The following CACNA1C variants were observed in gnomAD, a reference collection of about 807,000 sequenced individuals.
CACNA1C encodes voltage-dependent L-type calcium channel subunit alpha-1C.
CACNA1C carries 30 observed loss-of-function variants against 229.0 expected under a neutral mutation model. The ratio of observed to expected loss-of-function variants is 0.13; its 90% CI spans 0.10 to 0.18. CACNA1C has a LOEUF of 0.18. Among genes scored for constraint, CACNA1C ranks in the 10% least tolerant of loss-of-function variants. The probability of loss-of-function intolerance (pLI) is 1.00; values close to 1 mark genes in which losing one functional copy is unlikely to be tolerated. For missense variants in CACNA1C, 1,658 were observed against 2,845.0 expected (o/e 0.58, Z 9.49); for synonymous variants, 1,114 against 1,132.5 (o/e 0.98, Z 0.33).
rs1052050666 is a variant in CACNA1C, at chr12:2,633,104, C to T, written c.3829-1193C>T. On this transcript the variant is annotated intron_variant, in intron 29 of 46. Coordinates refer to ENST00000399655, the MANE Select transcript of CACNA1C (RefSeq NM_000719.7). The surrounding 1 kb of genome is among the most constrained non-coding windows in gnomAD (Gnocchi z 5.8). ...GCCCAGATAACCTGCCACCCTGCGG[C>T]CCACATTGATGGCTGTGGTTTTCAA... is the stretch of plus-strand genomic sequence containing the variant. 3.3e-5 allele frequency among the ~76,000 whole-genome samples: 5 copies of T among 152,152 alleles called. No individual in the cohort carries two copies. The highest frequency in any genetic ancestry group is 6.5e-5 in the Admixed American group (1 of 15,278).
chr12:2,234,276 T>A (rs1349807843), intron 3 of CACNA1C, among the ~76,000 whole-genome samples: 1 of 152,206 alleles, frequency 6.6e-6, no homozygotes, highest in African/African-American at 2.4e-5. Flanking sequence ...TGTTAAATTA[T>A]GTCTTTTGTG....
intron 11 of CACNA1C, among the ~76,000 whole-genome samples, chr12:2,561,183 C>T (rs920312798): frequency 6.6e-6 from 1 of 152,216 alleles, no homozygotes; most frequent in African/African-American, 2.4e-5. Flanking sequence ...AGACACAACC[C>T]GATTCCTTCG....
chr12:2,255,238 C>T (rs1164085505), intron 3 of CACNA1C, among the ~76,000 whole-genome samples: 4 of 145,348 alleles, frequency 2.8e-5, no homozygotes, highest in South Asian at 2.2e-4. Context: ...AGTGAAATCA[C>T]GGTTATGGGA....
chr12:2,069,297 C>T (rs1393747799), intron 1 of CACNA1C, among the ~76,000 whole-genome samples: 2 of 152,180 alleles, frequency 1.3e-5, no homozygotes, highest in African/African-American at 2.4e-5. Flanking sequence ...CATCAACTTA[C>T]ATCTTTCAGG....
rs1036184936 is a variant in CACNA1C at position 2,566,897 on chromosome 12, A to G, written c.1669+315A>G. Among the ~76,000 whole-genome samples the G allele has an allele frequency of 1.3e-5, 2 of 152,088 alleles. No homozygotes were observed. The highest frequency in any genetic ancestry group is 2.4e-5 in the African/African-American group (1 of 41,416). ...GCCTATCTCAGACTCCTGGCTGCCA[A>G]CTCCCCAGCATGGATTTTAAATACC... On this transcript the variant is annotated intron_variant, in intron 12 of 46. Coordinates refer to ENST00000399655, the MANE Select transcript of CACNA1C (RefSeq NM_000719.7). This position sits in a 1 kb window ranked among gnomAD's most constrained non-coding sequence, Gnocchi z 4.0.
At chr12:2,007,387 A>T (rs73042472) in intron 1 of CACNA1C, among the ~76,000 whole-genome samples, 3,653 of 152,342 alleles carry the variant, frequency 0.024, 73 homozygotes, top group Non-Finnish European at 0.038. Context: ...GCCATTGTAA[A>T]AGCTTAAATG....
At chr12:2,463,395 TG>T (rs1161765010) in intron 5 of CACNA1C, among the ~76,000 whole-genome samples, 5 of 152,272 alleles carry the variant, frequency 3.3e-5, no homozygotes, top group African/African-American at 1.2e-4. Flanking sequence ...GATACAGAAG[TG>T]AGTCAGATGC....
At position 2,566,711 on chromosome 12, in the gene CACNA1C, T is replaced by A. The variant is rs1173802135; in HGVS notation, c.1669+129T>A. On this transcript the variant is annotated intron_variant, in intron 12 of 46. Coordinates refer to ENST00000399655, the MANE Select transcript of CACNA1C (RefSeq NM_000719.7). This position sits in a 1 kb window ranked among gnomAD's most constrained non-coding sequence, Gnocchi z 4.0. ...AATGGTCGGGGCTCTTGGCAGGTGCTGTGCTGGAGACACCAAGGGCCTGGC... is the reference window on the plus strand; with the variant it reads ...AATGGTCGGGGCTCTTGGCAGGTGCAGTGCTGGAGACACCAAGGGCCTGGC... 1.4e-6 allele frequency: 1 copy of A among 731,134 alleles called. No individual in the cohort carries two copies. The highest frequency in any genetic ancestry group is 1.8e-5 in the African/African-American group (1 of 56,312). 45.3% of individuals were successfully genotyped at this position (731,134 alleles called of 1,614,324 possible). A position where few individuals can be genotyped will look rare whatever the true frequency, so the allele number is the denominator to read the frequency against.
chr12:2,306,358 G>C (rs1419301952), intron 3 of CACNA1C, among the ~76,000 whole-genome samples: 2 of 152,216 alleles, frequency 1.3e-5, no homozygotes, highest in Non-Finnish European at 2.9e-5. Flanking sequence ...CCAGCAGGCA[G>C]CTGGGGGCCC....
chr12:2,556,337 A>T (rs1266127418), intron 10 of CACNA1C, among the ~76,000 whole-genome samples: 2 of 151,504 alleles, frequency 1.3e-5, no homozygotes, highest in Admixed American at 1.3e-4. Context: ...CCTCACACCC[A>T]CCCTGAGCTT....
chr12:2,502,394 C>A (rs2099762537), intron 7 of CACNA1C, among the ~76,000 whole-genome samples: 1 of 152,240 alleles, frequency 6.6e-6, no homozygotes, highest in African/African-American at 2.4e-5. Context: ...GGAAGACAAA[C>A]AGCAAATAAT....
At chr12:2,060,687 A>C (rs1053839167) in intron 1 of CACNA1C, among the ~76,000 whole-genome samples, 1 of 152,222 alleles carries the variant, frequency 6.6e-6, no homozygotes, top group Non-Finnish European at 1.5e-5. Flanking sequence ...TAGTGTTGTG[A>C]TAATTTCATG....
At chr12:2,161,128 T>C (rs2095834580) in intron 3 of CACNA1C, among the ~76,000 whole-genome samples, 1 of 152,256 alleles carries the variant, frequency 6.6e-6, no homozygotes, top group Admixed American at 6.5e-5. Context: ...CTAGCTCTGG[T>C]TATCCTTTGC....
chr12:2,613,607 C>T (rs2078976401), intron 29 of CACNA1C: 1 of 152,180 alleles, frequency 6.6e-6, no homozygotes, highest in African/African-American at 2.4e-5. Flanking sequence ...TTCCTGCCTT[C>T]TCCAGAGAAG....
intron 1 of CACNA1C, among the ~76,000 whole-genome samples, chr12:2,043,909 C>T (rs2050626856): frequency 6.6e-6 from 1 of 151,802 alleles, no homozygotes; most frequent in Non-Finnish European, 1.5e-5. Flanking sequence ...CCCGCCTCGG[C>T]CTCCCAAAGT....
At chr12:2,180,123 G>A (rs1293347663) in intron 3 of CACNA1C, among the ~76,000 whole-genome samples, 1 of 152,244 alleles carries the variant, frequency 6.6e-6, no homozygotes, top group African/African-American at 2.4e-5. Flanking sequence ...AACAGTGTCT[G>A]TTGTAAGGTT....
intron 29 of CACNA1C, among the ~76,000 whole-genome samples, chr12:2,616,684 A>C (rs1315421049): frequency 6.6e-6 from 1 of 152,180 alleles, no homozygotes; most frequent in African/African-American, 2.4e-5. Flanking sequence ...AGACTTCCCC[A>C]TCAGCATTTT....
intron 3 of CACNA1C, among the ~76,000 whole-genome samples, chr12:2,240,262 C>T (rs1271015746): frequency 8.5e-5 from 13 of 152,228 alleles, no homozygotes; most frequent in Non-Finnish European, 1.5e-5. Context: ...CCTTGCTCCC[C>T]TTCTTGCTGG....
At chr12:2,551,919 G>C (rs1048548824) in intron 10 of CACNA1C, among the ~76,000 whole-genome samples, 1 of 152,144 alleles carries the variant, frequency 6.6e-6, no homozygotes, top group Non-Finnish European at 1.5e-5. Flanking sequence ...TGGAGACCAC[G>C]AGATACGGAG....
Sources: gnomAD v4.1 joint callset for allele counts (sites outside exome capture counted in the v4.1 genomes callset) on GRCh38, gnomAD v4.1.1 for gene constraint, Gnocchi (gnomAD v3.1) non-coding constraint, MANE v1.5 for transcripts, NCBI Gene and HGNC (gene_info 2026-07-23, HGNC 2026-07-21) for gene names.